Variants in CAPN5 observed in about 807,000 individuals in gnomAD.
CAPN5 encodes calpain 5.
A neutral mutation model predicts 73.0 loss-of-function variants in CAPN5; 54 were observed. The observed-to-expected ratio is 0.74, with a 90% CI of 0.59 to 0.93. The LOEUF is 0.93. CAPN5 is among the 40% of genes least tolerant of loss of function. The pLI is 0.00. For missense variants in CAPN5, 785 were observed against 882.9 expected, an observed-to-expected ratio of 0.89 and a Z score of 1.41; for synonymous variants, 335 against 356.9, an observed-to-expected ratio of 0.94 and a Z score of 0.69.
At chr11:77,099,933 T>C (rs2135451150) in intron 3 of CAPN5, among the ~76,000 whole-genome samples, 1 of 151,972 alleles carries the variant, frequency 6.6e-6, no homozygotes, top group South Asian at 2.1e-4. Flanking sequence ...ACCTCCCGGG[T>C]TCAAGTGATT....
At chr11:77,078,750 C>T (rs1350369933) in intron 1 of CAPN5, among the ~76,000 whole-genome samples, 1 of 150,892 alleles carries the variant, frequency 6.6e-6, no homozygotes, top group Non-Finnish European at 1.5e-5. Context: ...TCTTCAATTT[C>T]TTTCATCAGT....
chr11:77,121,496 T>A (rs1459113915), intron 10 of CAPN5, among the ~76,000 whole-genome samples: 3 of 152,254 alleles, frequency 2.0e-5, no homozygotes, highest in African/African-American at 7.2e-5. Flanking sequence ...GGAGGCAGCT[T>A]GTGGCATGTG....
At chr11:77,103,276 G>T in intron 3 of CAPN5, 1 of 1,613,138 alleles carries the variant, frequency 6.2e-7, no homozygotes, top group East Asian at 2.2e-5. Context: ...GTCACCTTTG[G>T]CGAGGGTGTG....
At chr11:77,076,136 CAGATCACTGG>C (rs142707256) in intron 1 of CAPN5, among the ~76,000 whole-genome samples, 3,769 of 152,178 alleles carry the variant, frequency 0.025, 161 homozygotes, top group African/African-American at 0.085. Flanking sequence ...CCAAGGCAGG[CAGATCACTGG>C]AGATCAGGAG....
rs1167773481 is a variant in CAPN5, at chr11:77,093,601, CTGTGTCTGTCAT to C, written c.166-80_166-69del. 1,097 of 1,424,976 alleles carry C rather than the reference CTGTGTCTGTCAT, an allele frequency of 7.7e-4. 2 individuals carry two copies. Among genetic ancestry groups the C allele is most frequent in the Middle Eastern group, 1.1e-3 (6 of 5,528 alleles). 88.3% of individuals were successfully genotyped at this position (1,424,976 alleles called of 1,614,324 possible). On this transcript the variant is annotated intron_variant, in intron 2 of 12. Transcript: ENST00000648180. Reference sequence around the variant, plus strand: ...CACAGCAAGTCTGTGTCTGTCACGTCTGTGTCTGTCATGTCTCCTGCCATGGGGGGCATCCGC... The same window carrying C: ...CACAGCAAGTCTGTGTCTGTCACGTCGTCTCCTGCCATGGGGGGCATCCGC...
chr11:77,111,752 T>C (rs1357030092), intron 3 of CAPN5, among the ~76,000 whole-genome samples: 1 of 152,152 alleles, frequency 6.6e-6, no homozygotes, highest in Non-Finnish European at 1.5e-5. Flanking sequence ...ACAGAGTTAC[T>C]TAATTATAAC....
rs1555035267 is a variant in CAPN5 at position 77,085,055 on chromosome 11, A to G, written c.165+4A>G. 5 of 1,612,612 alleles carry G rather than the reference A, an allele frequency of 3.1e-6. No homozygotes were observed. The highest frequency in any genetic ancestry group is 4.2e-6 in the Non-Finnish European group (5 of 1,179,938). On this transcript the variant is annotated splice_donor_region_variant and intron_variant, in intron 2 of 12. Coordinates refer to ENST00000648180, the MANE Select transcript of CAPN5 (RefSeq NM_004055.5). The stretch of plus-strand genomic sequence containing the variant: ...CGTCAGGTGGAAGCGACCCAAGGTC[A>G]GTGTCTGGTCCCAGCTGGAGCTGGG...
chr11:77,099,571 C>T (rs1487051075), intron 3 of CAPN5, among the ~76,000 whole-genome samples: 1 of 151,902 alleles, frequency 6.6e-6, no homozygotes, highest in Admixed American at 6.5e-5. Flanking sequence ...CCACCAAAAC[C>T]AGTCAGGCGT....
chr11:77,116,411 T>C, intron 7 of CAPN5, 108 bp downstream of exon 7: 1 of 800,068 alleles, frequency 1.2e-6, no homozygotes, highest in South Asian at 1.5e-5. Flanking sequence ...GCATGCCCCA[T>C]CATCAATTTG....
At chr11:77,097,619 C>T (rs1950226321) in intron 3 of CAPN5, among the ~76,000 whole-genome samples, 1 of 115,148 alleles carries the variant, frequency 8.7e-6, no homozygotes, top group Non-Finnish European at 1.8e-5. Flanking sequence ...ACCCTGCGGC[C>T]TTCCGCAGTG....
intron 1 of CAPN5, among the ~76,000 whole-genome samples, chr11:77,084,390 G>A (rs1056229004): frequency 3.3e-5 from 5 of 152,192 alleles, no homozygotes; most frequent in Admixed American, 3.3e-4. Context: ...GCTGAGAGGG[G>A]TACCTGGGGC....
At chr11:77,083,723 T>C (rs1950051467) in intron 1 of CAPN5, among the ~76,000 whole-genome samples, 1 of 152,178 alleles carries the variant, frequency 6.6e-6, no homozygotes, top group Non-Finnish European at 1.5e-5. Flanking sequence ...GGTTGACTCC[T>C]TCCAGGAGGT....
intron 1 of CAPN5, among the ~76,000 whole-genome samples, chr11:77,083,014 C>A (rs952534881): frequency 3.3e-5 from 5 of 152,204 alleles, no homozygotes; most frequent in African/African-American, 9.7e-5. Context: ...AAGCCTGAAG[C>A]CCGGAAGCTG....
intron 3 of CAPN5, chr11:77,103,074 A>G: frequency 6.2e-7 from 1 of 1,613,806 alleles, no homozygotes; most frequent in Non-Finnish European, 8.5e-7. Context: ...GGGCAAGGTC[A>G]CCATCACAGG....
chr11:77,068,424 C>T (rs913108194), intron 1 of CAPN5, among the ~76,000 whole-genome samples: 4 of 151,944 alleles, frequency 2.6e-5, no homozygotes, highest in African/African-American at 4.8e-5. Flanking sequence ...GATGGGTGCC[C>T]GGGAGCTGGG....
At chr11:77,080,744 C>T (rs1950019374) in intron 1 of CAPN5, among the ~76,000 whole-genome samples, 1 of 152,218 alleles carries the variant, frequency 6.6e-6, no homozygotes. Flanking sequence ...ACAGATGCCA[C>T]TTTCTTTCTG....
intron 3 of CAPN5, among the ~76,000 whole-genome samples, chr11:77,095,990 G>A (rs1351874325): frequency 1.3e-5 from 2 of 152,204 alleles, no homozygotes; most frequent in Non-Finnish European, 2.9e-5. Context: ...CTGCTGTGGT[G>A]CTATGGGTCC....
intron 1 of CAPN5, among the ~76,000 whole-genome samples, chr11:77,068,673 G>A (rs1248245589): frequency 1.3e-5 from 2 of 152,178 alleles, no homozygotes; most frequent in South Asian, 2.1e-4. Context: ...GCCAAAGCAG[G>A]GAGAGGGCCC....
chr11:77,107,691 GT>G (rs1292097028), intron 3 of CAPN5, among the ~76,000 whole-genome samples: 39 of 152,322 alleles, frequency 2.6e-4, no homozygotes, highest in African/African-American at 9.4e-4. Flanking sequence ...GTGGGTGGCC[GT>G]TGGTGGATCA....
Sources: gnomAD v4.1 joint callset for allele counts (sites outside exome capture counted in the v4.1 genomes callset) on GRCh38, gnomAD v4.1.1 for gene constraint, MANE v1.5 for transcripts, NCBI Gene and HGNC (gene_info 2026-07-23, HGNC 2026-07-21) for gene names.